PCLO: variants seen among roughly 807,000 people sequenced by gnomAD.
PCLO encodes the protein protein piccolo.
A neutral mutation model predicts 427.5 loss-of-function variants in PCLO; 82 were observed. That is an observed-to-expected ratio of 0.19 (90% CI 0.16 to 0.23). The LOEUF (loss-of-function observed/expected upper bound fraction) is 0.23, where lower values mean the gene tolerates loss of function less well. Ranked by LOEUF, PCLO falls within the 10% of genes least tolerant of loss-of-function variation. The probability of loss-of-function intolerance (pLI) is 1.00; values close to 1 mark genes in which losing one functional copy is unlikely to be tolerated. For synonymous variants in PCLO, 2,357 were observed against 2,155.4 expected (o/e 1.09, Z -2.59); for missense variants, 6,239 against 6,115.9 (o/e 1.02, Z -0.67).
intron 4 of PCLO, among the ~76,000 whole-genome samples, chr7:82,963,449 CCA>C (rs1795697342): frequency 6.7e-6 from 1 of 149,462 alleles, no homozygotes; most frequent in Admixed American, 6.7e-5. Context: ...GGTTTCCAAT[CCA>C]CACTTAAAAA....
chr7:82,976,377 C>T (rs1796018637), intron 3 of PCLO, among the ~76,000 whole-genome samples: 1 of 152,126 alleles, frequency 6.6e-6, no homozygotes, highest in Non-Finnish European at 1.5e-5. Context: ...TAAGCTCCAG[C>T]AATCTTCAGC....
At chr7:83,035,680 G>A (rs548514820) in intron 3 of PCLO, among the ~76,000 whole-genome samples, 74 of 151,904 alleles carry the variant, frequency 4.9e-4, no homozygotes, top group South Asian at 2.9e-3. Context: ...TCTTTGACGC[G>A]TTTATTTTAT....
chr7:83,157,427 T>G (rs1792329839), intron 1 of PCLO, among the ~76,000 whole-genome samples: 1 of 152,106 alleles, frequency 6.6e-6, no homozygotes, highest in African/African-American at 2.4e-5. Context: ...TGATTGATTA[T>G]TAGTAATCTA....
At chr7:82,866,487 A>G (rs1442182923) in intron 10 of PCLO, among the ~76,000 whole-genome samples, 1 of 152,156 alleles carries the variant, frequency 6.6e-6, no homozygotes, top group East Asian at 1.9e-4. Flanking sequence ...GTACTAAAAA[A>G]AACTTTGAAA....
chr7:83,121,493 A>G (rs969318794), intron 3 of PCLO, among the ~76,000 whole-genome samples: 1 of 152,118 alleles, frequency 6.6e-6, no homozygotes, highest in Non-Finnish European at 1.5e-5. Context: ...TTAGAAAACA[A>G]ATTTTAAAAT....
intron 2 of PCLO, among the ~76,000 whole-genome samples, chr7:83,147,709 A>G (rs1792030248): frequency 6.6e-6 from 1 of 152,238 alleles, no homozygotes; most frequent in South Asian, 2.1e-4. Flanking sequence ...TAAGCATTTG[A>G]TGATTTAAAG....
At chr7:83,016,531 G>T (rs947808709) in intron 3 of PCLO, among the ~76,000 whole-genome samples, 28 of 152,022 alleles carry the variant, frequency 1.8e-4, no homozygotes, top group African/African-American at 6.5e-4. Context: ...TTCAAAGGAA[G>T]GTTATTGTTT....
chr7:83,162,533 TGCGGCCGCC>T lies in PCLO; in HGVS notation c.51_59del (p.Ala20_Ala22del). On this transcript the variant is annotated inframe_deletion, in exon 1 of 25. Transcript: ENST00000333891. ...CCCCGCTAGCTCCTCCTCCAGCCGCTGCGGCCGCCGCCAGCCCTTCGGGGAGCCCTTCCC... is the reference window on the plus strand; with the variant it reads ...CCCCGCTAGCTCCTCCTCCAGCCGCTGCCAGCCCTTCGGGGAGCCCTTCCC... 6.4e-7 allele frequency: 1 copy of T among 1,554,562 alleles called. No individual in the cohort carries two copies. The highest frequency in any genetic ancestry group is 8.7e-7 in the Non-Finnish European group (1 of 1,150,298).
intron 4 of PCLO, among the ~76,000 whole-genome samples, chr7:82,959,881 T>TA (rs1213758243): frequency 6.6e-6 from 1 of 152,108 alleles, no homozygotes; most frequent in Admixed American, 6.6e-5. Flanking sequence ...TCCCTTCCAA[T>TA]AACCCCCTGC....
chr7:83,053,990 C>T (rs1020816938), intron 3 of PCLO, among the ~76,000 whole-genome samples: 2 of 151,872 alleles, frequency 1.3e-5, no homozygotes, highest in Admixed American at 1.3e-4. Flanking sequence ...TCATGTACCA[C>T]AAAAGAACAG....
At chr7:82,798,959 T>C (rs897232665) in intron 22 of PCLO, among the ~76,000 whole-genome samples, 1 of 152,154 alleles carries the variant, frequency 6.6e-6, no homozygotes, top group Non-Finnish European at 1.5e-5. Context: ...GGAAACATAT[T>C]GACTCATAAG....
At position 82,902,666 on chromosome 7, in the gene PCLO, C is replaced by T; in HGVS notation, c.13513G>A (p.Asp4505Asn). The change falls in exon 9 of 25, where the codon GAT (aspartate) becomes AAT (asparagine). Residue 4505 changes from aspartate to asparagine, a missense_variant. Asp to Asn is a conservative substitution (Grantham distance 23). Around this residue, in one of 5 missense-constraint regions of PCLO, gnomAD observed 877 missense variants for 925.5 expected, o/e 0.95. Transcript: ENST00000333891. The part of the protein sequence containing the change: ...ARIKITRDSK[D>N]HTVSGNGLGI... ...TTTGCTTTACCTGAAACTGTGTGAT[C>T]CTTTGAGTCTCTTGTTATTTTTATC... 1.9e-6 allele frequency: 3 copies of T among 1,583,526 alleles called. No homozygotes were observed. Among genetic ancestry groups the T allele is most frequent in the Non-Finnish European group, 1.7e-6 (2 of 1,153,576 alleles).
chr7:82,998,430 C>T (rs1264179181), intron 3 of PCLO, among the ~76,000 whole-genome samples: 3 of 116,952 alleles, frequency 2.6e-5, no homozygotes, highest in African/African-American at 1.1e-4. Context: ...ACAACAACAA[C>T]AACAACTATT....
Position 82,879,460 on chromosome 7 carries a change from T to C in PCLO, c.13531A>G (p.Asn4511Asp). 2.5e-6 allele frequency: 4 copies of C among 1,589,656 alleles called. No individual in the cohort carries two copies. Among genetic ancestry groups the C allele is most frequent in the Non-Finnish European group, 3.4e-6 (4 of 1,162,362 alleles). ...CCCACAATTCTAATTCCTAATCCAT[T>C]ACCTGTATTAAACAATTAGCAAATT... ...RDSKDHTVSGNGLGIRIVGGK... is the reference protein window; with the variant it reads ...RDSKDHTVSGDGLGIRIVGGK... The change falls in exon 10 of 25, where the codon AAT (asparagine) becomes GAT (aspartate). Residue 4511 changes from asparagine to aspartate, a missense_variant and splice_region_variant. Physicochemically the swap from Asn to Asp is conservative, Grantham distance 23 (BLOSUM62 1). Coordinates refer to ENST00000333891, the MANE Select transcript of PCLO (RefSeq NM_033026.6).
chr7:83,130,056 T>G (rs1402308365), intron 3 of PCLO, among the ~76,000 whole-genome samples: 1 of 152,208 alleles, frequency 6.6e-6, no homozygotes, highest in Non-Finnish European at 1.5e-5. Context: ...TATACCGACT[T>G]TAAAACTGCT....
intron 3 of PCLO, among the ~76,000 whole-genome samples, chr7:83,106,163 C>T (rs1341766231): frequency 1.3e-5 from 2 of 152,152 alleles, no homozygotes; most frequent in African/African-American, 4.8e-5. Flanking sequence ...AAGTGTGAAT[C>T]CTACACTGCC....
intron 3 of PCLO, among the ~76,000 whole-genome samples, chr7:83,022,145 G>GT (rs1195167521): frequency 5.3e-5 from 8 of 151,996 alleles, no homozygotes; most frequent in Non-Finnish European, 8.8e-5. Flanking sequence ...ATATGAAAGA[G>GT]GCCTGAAGGA....
intron 22 of PCLO, among the ~76,000 whole-genome samples, chr7:82,797,983 C>A (rs1791263424): frequency 6.6e-6 from 1 of 152,092 alleles, no homozygotes; most frequent in African/African-American, 2.4e-5. Context: ...TACTCAATGA[C>A]ATTCTCAACA....
At chr7:83,020,050 C>T (rs1008851935) in intron 3 of PCLO, among the ~76,000 whole-genome samples, 37 of 152,060 alleles carry the variant, frequency 2.4e-4, no homozygotes, top group Admixed American at 1.4e-3. Context: ...TTGTAGTTAG[C>T]TGAATTCAAA....
Sources: allele counts gnomAD v4.1 joint callset (sites outside exome capture counted in the v4.1 genomes callset), GRCh38; gene constraint gnomAD v4.1.1; regional missense constraint gnomAD v4.1.1; transcripts MANE v1.5; gene names NCBI Gene and HGNC (gene_info 2026-07-23, HGNC 2026-07-21).